LPP: variants seen among roughly 807,000 people sequenced by gnomAD.
LPP encodes the protein LIM domain containing preferred translocation partner in lipoma, also known as lipoma-preferred partner.
Under a neutral mutation model 60.4 loss-of-function variants are expected in LPP, and 38 were observed. That is an observed-to-expected ratio of 0.63 (90% CI 0.49 to 0.83). The LOEUF is 0.83. Among genes scored for constraint, LPP ranks in the 40% least tolerant of loss-of-function variants. LPP has a pLI of 0.00. For missense variants in LPP, 902 were observed against 783.6 expected, an observed-to-expected ratio of 1.15 and a Z score of -1.80; for synonymous variants, 328 against 290.8, an observed-to-expected ratio of 1.13 and a Z score of -1.30.
intron 10 of LPP, among the ~76,000 whole-genome samples, chr3:188,867,546 G>C (rs937331254): frequency 6.6e-6 from 1 of 152,068 alleles, no homozygotes; most frequent in African/African-American, 2.4e-5. Flanking sequence ...GTTTCGCCAT[G>C]TTGGCCAGGC....
intron 7 of LPP, among the ~76,000 whole-genome samples, chr3:188,703,030 T>G (rs1864796099): frequency 6.6e-6 from 1 of 152,170 alleles, no homozygotes; most frequent in Admixed American, 6.5e-5. Flanking sequence ...GTCTCTATTT[T>G]CTCATCCAGA....
At chr3:188,443,467 G>A (rs942675666) in intron 4 of LPP, among the ~76,000 whole-genome samples, 1 of 152,316 alleles carries the variant, frequency 6.6e-6, no homozygotes, top group Admixed American at 6.5e-5. Flanking sequence ...GAGATGGAAA[G>A]TATTGGCCTG....
At chr3:188,202,571 G>T (rs1478968662) in intron 1 of LPP, among the ~76,000 whole-genome samples, 2 of 152,224 alleles carry the variant, frequency 1.3e-5, no homozygotes, top group African/African-American at 4.8e-5. Flanking sequence ...TTGCTGACAA[G>T]GTTCACGCGC....
chr3:188,344,055 C>A (rs1046864119), intron 3 of LPP, among the ~76,000 whole-genome samples: 1 of 152,088 alleles, frequency 6.6e-6, no homozygotes, highest in African/African-American at 2.4e-5. Flanking sequence ...AACAGTATAC[C>A]CTGTTTACTA....
chr3:188,803,045 C>CTTTTTTTTTTTT (rs374563246), intron 9 of LPP, among the ~76,000 whole-genome samples: 1 of 130,476 alleles, frequency 7.7e-6, no homozygotes, highest in Non-Finnish European at 1.6e-5. Flanking sequence ...GTTGTATATG[C>CTTTTTTTTTTTT]TTTTTTTTTT....
At chr3:188,554,073 T>G (rs1828871908) in intron 6 of LPP, 1 of 152,192 alleles carries the variant, frequency 6.6e-6, no homozygotes, top group African/African-American at 2.4e-5. Context: ...TCTGTGAGAC[T>G]GTATATCAAG....
intron 1 of LPP, chr3:188,179,552 C>T: frequency 4.4e-6 from 2 of 455,138 alleles, no homozygotes; most frequent in South Asian, 3.1e-5. Context: ...CTCATATTTC[C>T]ATTTAAAGCC....
intron 1 of LPP, among the ~76,000 whole-genome samples, chr3:188,225,035 T>C (rs1717218643): frequency 6.6e-6 from 1 of 152,208 alleles, no homozygotes; most frequent in African/African-American, 2.4e-5. Flanking sequence ...GGTCCTATAG[T>C]TAGAAATTTG....
At chr3:188,237,662 C>T (rs1011745925) in intron 2 of LPP, among the ~76,000 whole-genome samples, 1 of 149,514 alleles carries the variant, frequency 6.7e-6, no homozygotes, top group Non-Finnish European at 1.5e-5. Flanking sequence ...TGAAAGGAAT[C>T]TTTTTTTTTT....
intron 4 of LPP, among the ~76,000 whole-genome samples, chr3:188,408,754 GT>G (rs147585860): frequency 0.14 from 20,214 of 143,848 alleles, 2,259 homozygotes; most frequent in African/African-American, 0.33. Context: ...CCTACAAAAT[GT>G]TTTTTTTTTT....
chr3:188,361,917 G>T (rs1769547681), intron 3 of LPP, among the ~76,000 whole-genome samples: 1 of 152,054 alleles, frequency 6.6e-6, no homozygotes, highest in Non-Finnish European at 1.5e-5. Context: ...TGCTTACTCT[G>T]CAAAGCCTAG....
intron 9 of LPP, among the ~76,000 whole-genome samples, chr3:188,810,068 CG>C (rs1750443810): frequency 6.6e-6 from 1 of 152,076 alleles, no homozygotes; most frequent in Non-Finnish European, 1.5e-5. Flanking sequence ...TCAGGTCTTT[CG>C]TGTGAGCATC....
intron 5 of LPP, among the ~76,000 whole-genome samples, chr3:188,496,542 T>C (rs1212475539): frequency 6.6e-6 from 1 of 152,226 alleles, no homozygotes; most frequent in Non-Finnish European, 1.5e-5. Flanking sequence ...GTGAAGGCTC[T>C]GGGGCTCTGA....
intron 9 of LPP, among the ~76,000 whole-genome samples, chr3:188,811,928 C>T (rs1261793550): frequency 6.6e-6 from 1 of 152,086 alleles, no homozygotes; most frequent in Non-Finnish European, 1.5e-5. Context: ...ATAATAATCA[C>T]ATCACGGAGA....
intron 8 of LPP, among the ~76,000 whole-genome samples, chr3:188,752,778 T>C (rs1446091537): frequency 4.6e-5 from 7 of 152,188 alleles, no homozygotes; most frequent in African/African-American, 1.7e-4. Context: ...GACAAACTAC[T>C]CTTGGTGGAA....
rs139319612 is a variant in LPP, at chr3:188,307,991, C to T, written c.-66-33672C>T. On this transcript the variant is annotated intron_variant, in intron 2 of 11. Transcript: ENST00000617246. ...TAATTTCGGGAACGGGTAACACATTCGTATTACCTCTGTTTGGACACGATT... is the reference window on the plus strand; with the variant it reads ...TAATTTCGGGAACGGGTAACACATTTGTATTACCTCTGTTTGGACACGATT... Among the ~76,000 whole-genome samples, 19 of 152,148 alleles carry T rather than the reference C, an allele frequency of 1.2e-4. No homozygotes were observed. The East Asian group carries it at 3.5e-3, about 28-fold the overall frequency.
At chr3:188,433,427 G>A (rs945753643) in intron 4 of LPP, among the ~76,000 whole-genome samples, 2 of 151,932 alleles carry the variant, frequency 1.3e-5, no homozygotes, top group African/African-American at 4.8e-5. Flanking sequence ...CACAGTAATC[G>A]GGTCATAAGA....
intron 7 of LPP, among the ~76,000 whole-genome samples, chr3:188,702,889 G>C (rs1864758885): frequency 6.6e-6 from 1 of 152,130 alleles, no homozygotes; most frequent in East Asian, 1.9e-4. Flanking sequence ...GAAAGTCTTG[G>C]AGACAATGAT....
intron 7 of LPP, among the ~76,000 whole-genome samples, chr3:188,673,453 A>G (rs1386952188): frequency 6.6e-6 from 1 of 152,218 alleles, no homozygotes; most frequent in African/African-American, 2.4e-5. Context: ...AGCCTCTATA[A>G]TTAATCAATG....
Sources: gnomAD v4.1 joint callset for allele counts (sites outside exome capture counted in the v4.1 genomes callset) on GRCh38, gnomAD v4.1.1 for gene constraint, MANE v1.5 for transcripts, NCBI Gene and HGNC (gene_info 2026-07-23, HGNC 2026-07-21) for gene names.